The following LRRC43 variants were observed in gnomAD, a reference collection of about 807,000 sequenced individuals.
LRRC43 encodes leucine rich repeat containing 43.
LRRC43 carries 62 observed loss-of-function variants against 64.3 expected under a neutral mutation model. That is an observed-to-expected ratio of 0.96 (90% CI 0.79 to 1.19). The LOEUF is 1.19. Among genes scored for constraint, LRRC43 ranks in the 50% most tolerant of loss-of-function variants. The pLI, the probability that LRRC43 is intolerant of heterozygous loss-of-function variation, is 0.00. For missense variants in LRRC43, 868 were observed against 845.0 expected, an observed-to-expected ratio of 1.03 and a Z score of -0.34; for synonymous variants, 422 against 382.3, an observed-to-expected ratio of 1.10 and a Z score of -1.21.
intron 1 of LRRC43, chr12:122,172,751 G>A (rs749751561): frequency 2.0e-5 from 32 of 1,591,002 alleles, no homozygotes; most frequent in Non-Finnish European, 2.6e-5. Flanking sequence ...CCTGTGGAAT[G>A]AGGAGAAATG....
chr12:122,203,201 A>G, intron 11 of LRRC43, 114 bp from the exon 12 acceptor site: 2 of 1,158,364 alleles, frequency 1.7e-6, no homozygotes, highest in Non-Finnish European at 2.4e-6. Flanking sequence ...GAGGACCAAA[A>G]CTGTGCTCCC....
chr12:122,172,834 C>T (rs982600182), intron 1 of LRRC43: 1 of 977,072 alleles, frequency 1.0e-6, no homozygotes, highest in Non-Finnish European at 1.5e-6. Context: ...CGTAACCCGC[C>T]TCGTTGATAT....
upstream of LRRC43, among the ~76,000 whole-genome samples, chr12:122,180,483 C>T (rs534412688): frequency 2.0e-5 from 3 of 152,252 alleles, no homozygotes; most frequent in South Asian, 2.1e-4. Context: ...TGCGCCACTG[C>T]ACTCCAGCCT....
chr12:122,191,335 C>T (rs67032306), intron 5 of LRRC43, 45 bp from the exon 6 acceptor site: 296,586 of 1,540,682 alleles, frequency 0.19, 29,939 homozygotes, highest in Admixed American at 0.25. Context: ...TATCTGCCAA[C>T]TTCCATTCCA....
intron 1 of LRRC43, chr12:122,173,757 T>G (rs1177989434): frequency 1.7e-6 from 2 of 1,189,520 alleles, no homozygotes; most frequent in African/African-American, 3.1e-5. Flanking sequence ...AGCCCTGGTT[T>G]CAGGTCCGGA....
chr12:122,169,792 C>T (rs1361050272), intron 1 of LRRC43, among the ~76,000 whole-genome samples: 2 of 150,288 alleles, frequency 1.3e-5, no homozygotes, highest in African/African-American at 4.9e-5. Flanking sequence ...ATCTTGTCAA[C>T]CATTTATTTT....
At chr12:122,199,811 T>G (rs1223491839) in intron 7 of LRRC43, among the ~76,000 whole-genome samples, 2 of 152,024 alleles carry the variant, frequency 1.3e-5, no homozygotes, top group African/African-American at 2.4e-5. Context: ...CTCGAACTCC[T>G]TGGTTCAGGC....
In LRRC43 at chr12:122,200,482, G is replaced by A. The variant is rs777464152; in HGVS notation, c.1492-50G>A. On this transcript the variant is annotated intron_variant, in intron 8 of 11. Coordinates refer to ENST00000339777, the MANE Select transcript of LRRC43 (RefSeq NM_001098519.2). This position sits in a 1 kb window ranked among gnomAD's most constrained non-coding sequence, Gnocchi z 4.6. The stretch of plus-strand genomic sequence containing the variant: ...AAAGGGTGAGGGAGAGGTGACCCCA[G>A]GCAGCCCGCCTGGGCCTCTGCTCAC... 1.5e-5 allele frequency: 24 copies of A among 1,613,438 alleles called. No individual in the cohort carries two copies. In the Admixed American group the frequency reaches 3.8e-4, roughly 26 times the overall value.
At chr12:122,172,745 T>G (rs1566002882) in intron 1 of LRRC43, 9 of 1,598,934 alleles carry the variant, frequency 5.6e-6, no homozygotes, top group Non-Finnish European at 7.7e-6. Flanking sequence ...CCTCCACCTG[T>G]GGAATGAGGA....
intron 1 of LRRC43, among the ~76,000 whole-genome samples, chr12:122,178,045 C>T (rs1395499658): frequency 5.3e-5 from 8 of 151,830 alleles, no homozygotes; most frequent in African/African-American, 1.9e-4. Context: ...GCCATGTTGT[C>T]CAGGCTGGTC....
At position 122,170,736 on chromosome 12, in the gene LRRC43, C is replaced by T. The variant is rs182495564; in HGVS notation, c.-406+2954C>T. Among the ~76,000 whole-genome samples, 549 of 152,228 alleles carry T rather than the reference C, an allele frequency of 3.6e-3. 5 individuals carry two copies. The highest frequency in any genetic ancestry group is 0.012 in the African/African-American group (511 of 41,524). On this transcript the variant is annotated intron_variant, in intron 1 of 5. Coordinates refer to the LRRC43 transcript ENST00000537729. ...GCGTGTCTCAGAGTCCTAACCACAT[C>T]CCTCCTTACATATGGACTTGTGCAA... is the stretch of plus-strand genomic sequence containing the variant.
At chr12:122,192,715 C>T in intron 6 of LRRC43, 30 bp from the exon 7 acceptor site, 3 of 1,607,714 alleles carry the variant, frequency 1.9e-6, no homozygotes, top group Non-Finnish European at 2.6e-6. Context: ...AAGACGGCAG[C>T]CTTGGACGAG....
In LRRC43 at chr12:122,190,304, G is replaced by A. The variant is rs1953702248; in HGVS notation, c.837G>A (p.Val279=). Residue 279 remains valine, a synonymous_variant, in exon 5 of 12, where the codon GTG becomes GTA. Coordinates refer to ENST00000339777, the MANE Select transcript of LRRC43 (RefSeq NM_001098519.2). The stretch of plus-strand genomic sequence containing the variant: ...TCGACAGCCTGGCCCAGCTCTGCGT[G>A]CTGGACGACATCACCGTGTCTCCCA... ...LTIDSLAQLC[V]LDDITVSPNE... is the part of the protein sequence containing the mutation. 3 of 1,614,062 alleles carry A rather than the reference G, an allele frequency of 1.9e-6. No homozygotes were observed. Among genetic ancestry groups the A allele is most frequent in the Non-Finnish European group, 2.5e-6 (3 of 1,180,046 alleles).
chr12:122,192,096 A>T (rs1953724721), intron 6 of LRRC43, among the ~76,000 whole-genome samples: 2 of 152,010 alleles, frequency 1.3e-5, no homozygotes, highest in Admixed American at 6.6e-5. Flanking sequence ...CCGGCATTTC[A>T]TAAGTCAGCC....
At chr12:122,202,456 A>G (rs1021339744) in intron 11 of LRRC43, 5 of 152,246 alleles carry the variant, frequency 3.3e-5, no homozygotes, top group African/African-American at 4.8e-5. Flanking sequence ...AAAACAATCT[A>G]TATTGAATTT....
intron 1 of LRRC43, chr12:122,172,205 A>C (rs1223488130): frequency 5.7e-6 from 3 of 524,398 alleles, no homozygotes; most frequent in Non-Finnish European, 1.0e-5. Flanking sequence ...CATAAATACC[A>C]AGACTAATAA....
At chr12:122,185,043 C>G (rs1181297434) in intron 2 of LRRC43, among the ~76,000 whole-genome samples, 1 of 152,236 alleles carries the variant, frequency 6.6e-6, no homozygotes, top group Non-Finnish European at 1.5e-5. Flanking sequence ...GTGGACCCTC[C>G]TGGGTCCTAG....
chr12:122,198,067 G>A (rs1354350421), intron 7 of LRRC43, among the ~76,000 whole-genome samples: 2 of 151,720 alleles, frequency 1.3e-5, no homozygotes, highest in Non-Finnish European at 2.9e-5. Context: ...CACAACCTCC[G>A]CCTCCCGGGT....
rs561582190 is a variant in LRRC43 at position 122,185,802 on chromosome 12, G to GTCAC, written c.412-386_412-383dup. ...ACAGGAACTGAGGAGTCACGGATGG[G>GTCAC]TCACTGCAGCTTCTGGTCGGACCCT... On this transcript the variant is annotated intron_variant, in intron 2 of 11. Transcript: ENST00000339777. Among the ~76,000 whole-genome samples, 444 of 152,346 alleles carry GTCAC rather than the reference G, an allele frequency of 2.9e-3. 3 individuals are homozygous for GTCAC. Among genetic ancestry groups the GTCAC allele is most frequent in the African/African-American group, 0.01 (420 of 41,568 alleles).
Sources: gnomAD v4.1 joint callset for allele counts (sites outside exome capture counted in the v4.1 genomes callset) on GRCh38, gnomAD v4.1.1 for gene constraint, Gnocchi (gnomAD v3.1) non-coding constraint, MANE v1.5 for transcripts, NCBI Gene and HGNC (gene_info 2026-07-23, HGNC 2026-07-21) for gene names.